Variants in SLC36A3 observed in about 807,000 individuals in gnomAD.
The protein encoded by SLC36A3 is solute carrier family 36 member 3, also known as proton-coupled amino acid transporter 3.
SLC36A3 carries 35 observed loss-of-function variants against 44.3 expected under a neutral mutation model. That is an observed-to-expected ratio of 0.79 (90% CI 0.60 to 1.05). The LOEUF (loss-of-function observed/expected upper bound fraction) is 1.05, where lower values mean the gene tolerates loss of function less well. Ranked by LOEUF, SLC36A3 falls within the 50% of genes least tolerant of loss-of-function variation. The pLI is 0.00. For synonymous variants in SLC36A3, 211 were observed against 227.6 expected, an observed-to-expected ratio of 0.93 and a Z score of 0.66; for missense variants, 540 against 578.7, an observed-to-expected ratio of 0.93 and a Z score of 0.69.
intron 9 of SLC36A3, among the ~76,000 whole-genome samples, chr5:151,279,800 C>A (rs1181017203): frequency 2.0e-5 from 3 of 152,204 alleles, no homozygotes; most frequent in African/African-American, 7.2e-5. Flanking sequence ...CCAAGCATTG[C>A]ATAGTTTCTC....
Position 151,277,776 on chromosome 5 carries a change from G to A in SLC36A3, c.1145-115C>T, listed in dbSNP as rs540379552. On this transcript the variant is annotated intron_variant, in intron 9 of 9. Coordinates refer to ENST00000335230, the MANE Select transcript of SLC36A3 (RefSeq NM_181774.4). ...GACCACTTTGGAGAGGTGGGAGGGA[G>A]CCTACTGCAGGCTTGGGGAGGTCAG... 2.3e-6 allele frequency: 3 copies of A among 1,327,290 alleles called. No homozygotes were observed. The East Asian group carries it at 7.6e-5, about 33-fold the overall frequency. The allele number at this position is 1,327,290 out of a possible 1,614,324, so 82.2% of individuals were successfully genotyped here.
chr5:151,288,746 C>T lies in SLC36A3; in HGVS notation c.405-276G>A, dbSNP rs533286207. On this transcript the variant is annotated intron_variant, in intron 4 of 9. Transcript: ENST00000335230. ...ATGTATATATAGACGAATGAATATT[C>T]GTCTATACACACACACACATACACA... is the stretch of plus-strand genomic sequence containing the variant. Among the ~76,000 whole-genome samples the T allele has an allele frequency of 1.6e-3, 243 of 151,132 alleles. 1 individual carries two copies. Among genetic ancestry groups the T allele is most frequent in the African/African-American group, 5.7e-3 (234 of 41,272 alleles).
chr5:151,303,599 A>T lies in SLC36A3; in HGVS notation c.-245T>A. Reference sequence around the variant, plus strand: ...TTATGAAAGACCCATCTCAGTCAGGATGGTCCTCAGTTTCACTCGCAATTG... The same window carrying T: ...TTATGAAAGACCCATCTCAGTCAGGTTGGTCCTCAGTTTCACTCGCAATTG... On this transcript the variant is annotated 5_prime_UTR_variant, in exon 1 of 10. Transcript: ENST00000335230. 2.3e-6 allele frequency: 1 copy of T among 433,062 alleles called. No individual in the cohort carries two copies. The highest frequency in any genetic ancestry group is 3.6e-5 in the East Asian group (1 of 27,908). The allele number at this position is 433,062 out of a possible 1,614,324, so 26.8% of individuals were successfully genotyped here.
Position 151,277,106 on chromosome 5 carries a change from T to C in SLC36A3, c.*287A>G. Reference sequence around the variant, plus strand: ...TGCTTGGTCTCTGTTTCAAGGGCTATTGGGGTAAGTGGCATCCCTTTTCCA... The same window carrying C: ...TGCTTGGTCTCTGTTTCAAGGGCTACTGGGGTAAGTGGCATCCCTTTTCCA... On this transcript the variant is annotated 3_prime_UTR_variant, in exon 10 of 10. Transcript: ENST00000335230. The C allele has an allele frequency of 2.4e-6, 1 of 418,314 alleles. No individual in the cohort carries two copies. 25.9% of individuals were successfully genotyped at this position (418,314 alleles called of 1,614,324 possible). A position where few individuals can be genotyped will look rare whatever the true frequency, so the allele number is the denominator to read the frequency against.
rs1255738362 is a variant in SLC36A3, at chr5:151,298,575, C to G, written c.219+18G>C. On this transcript the variant is annotated intron_variant, in intron 2 of 9. Transcript: ENST00000335230. ...GCAAATGAGCAAACCTAGTTCCCATCCCACAGATGCCTCTTACCAACAAGC... is the reference window on the plus strand; with the variant it reads ...GCAAATGAGCAAACCTAGTTCCCATGCCACAGATGCCTCTTACCAACAAGC... 2 of 1,613,496 alleles carry G rather than the reference C, an allele frequency of 1.2e-6. No homozygotes were observed. The highest frequency in any genetic ancestry group is 1.7e-6 in the Non-Finnish European group (2 of 1,179,572).
intron 4 of SLC36A3, among the ~76,000 whole-genome samples, chr5:151,289,981 A>C (rs1387125974): frequency 6.6e-6 from 1 of 152,202 alleles, no homozygotes; most frequent in Non-Finnish European, 1.5e-5. Flanking sequence ...GGTGGTTGCA[A>C]GGTGGTGGTT....
At chr5:151,300,194 GTC>G (rs887530098) in intron 1 of SLC36A3, among the ~76,000 whole-genome samples, 1 of 152,198 alleles carries the variant, frequency 6.6e-6, no homozygotes, top group Non-Finnish European at 1.5e-5. Flanking sequence ...GCCCAAGTGA[GTC>G]CAGCAGAGAC....
intron 3 of SLC36A3, among the ~76,000 whole-genome samples, chr5:151,295,066 GAA>G (rs11341705): frequency 0.027 from 4,003 of 146,526 alleles, 87 homozygotes; most frequent in East Asian, 0.11. Flanking sequence ...AGTCATCAGA[GAA>G]AAAAAAAAAA....
chr5:151,294,170 A>G (rs1172457634), intron 3 of SLC36A3, among the ~76,000 whole-genome samples: 2 of 152,244 alleles, frequency 1.3e-5, no homozygotes, highest in African/African-American at 4.8e-5. Flanking sequence ...ATGTAGAGCC[A>G]GTCTCTTGAG....
intron 1 of SLC36A3, among the ~76,000 whole-genome samples, chr5:151,300,458 T>C (rs778473106): frequency 6.6e-6 from 1 of 152,214 alleles, no homozygotes; most frequent in Non-Finnish European, 1.5e-5. Flanking sequence ...TTCCAAGAGA[T>C]AACCTTTATT....
intron 1 of SLC36A3, among the ~76,000 whole-genome samples, chr5:151,299,905 C>CTCA (rs139796801): frequency 2.0e-5 from 3 of 152,166 alleles, no homozygotes; most frequent in Non-Finnish European, 4.4e-5. Flanking sequence ...ATATCATTGT[C>CTCA]TCATCATCAT....
At chr5:151,282,892 T>TC (rs1754378806) in intron 8 of SLC36A3, among the ~76,000 whole-genome samples, 3 of 120,054 alleles carry the variant, frequency 2.5e-5, no homozygotes, top group East Asian at 5.7e-4. Flanking sequence ...CTTTCTTTTT[T>TC]TTTTTTTTTG....
In SLC36A3 at chr5:151,284,190, C is replaced by T. The variant is rs773678437; in HGVS notation, c.828G>A (p.Gln276=). The change falls in exon 8 of 10, where the codon CAG becomes CAA. Residue 276 remains glutamine (Q), a synonymous_variant. Transcript: ENST00000335230. ...AAGAAAACTGCTGTGGATGCTTCATCTGGTTTTTGAGAGGCAGAACCTGGA... is the reference window on the plus strand; with the variant it reads ...AAGAAAACTGCTGTGGATGCTTCATTTGGTTTTTGAGAGGCAGAACCTGGA... The part of the protein sequence containing the change: ...GVGMVLPLKN[Q]MKHPQQFSFV... 13 of 1,607,596 alleles carry T rather than the reference C, an allele frequency of 8.1e-6. No homozygotes were observed. Among genetic ancestry groups the T allele is most frequent in the East Asian group, 2.2e-5 (1 of 44,774 alleles).
chr5:151,281,264 T>C, intron 8 of SLC36A3, 81 bp from the exon 9 acceptor site: 1 of 1,395,438 alleles, frequency 7.2e-7, no homozygotes, highest in Non-Finnish European at 9.8e-7. Flanking sequence ...GCTCAGAAGC[T>C]GGTATGGGTT....
rs959714156 is a variant in SLC36A3 at position 151,277,107 on chromosome 5, T to C, written c.*286A>G. On this transcript the variant is annotated 3_prime_UTR_variant, in exon 10 of 10. Transcript: ENST00000335230. Reference sequence around the variant, plus strand: ...GCTTGGTCTCTGTTTCAAGGGCTATTGGGGTAAGTGGCATCCCTTTTCCAT... The same window carrying C: ...GCTTGGTCTCTGTTTCAAGGGCTATCGGGGTAAGTGGCATCCCTTTTCCAT... The C allele has an allele frequency of 9.4e-6, 4 of 424,994 alleles. No individual in the cohort carries two copies. In the Admixed American group the frequency reaches 1.5e-4, roughly 16 times the overall value. The allele number at this position is 424,994 out of a possible 1,614,324, so 26.3% of individuals were successfully genotyped here. A position where few individuals can be genotyped will look rare whatever the true frequency, so the allele number is the denominator to read the frequency against.
At chr5:151,298,544 C>A in intron 2 of SLC36A3, 49 bp downstream of exon 2, 2 of 1,587,764 alleles carry the variant, frequency 1.3e-6, no homozygotes, top group South Asian at 1.1e-5. Context: ...CCTATCACCC[C>A]CTTCTGCAAA....
At chr5:151,281,544 G>A (rs904151163) in intron 8 of SLC36A3, among the ~76,000 whole-genome samples, 11 of 152,192 alleles carry the variant, frequency 7.2e-5, no homozygotes, top group Non-Finnish European at 8.8e-5. Flanking sequence ...ATAGCCGGGC[G>A]TGGTGGCTCA....
Position 151,303,313 on chromosome 5 carries a change from G to A in SLC36A3, c.42C>T (p.Ser14=), listed in dbSNP as rs1755229426. 6.2e-7 allele frequency: 1 copy of A among 1,614,112 alleles called. No homozygotes were observed. The highest frequency in any genetic ancestry group is 8.5e-7 in the Non-Finnish European group (1 of 1,180,004). ...LGRDYNSELN[S]LDNGPQSPSE... ...AGGGTGACTGAGGTCCGTTGTCCAAGGAGTTCAGCTCACTGTTGTAGTCCC... is the reference window on the plus strand; with the variant it reads ...AGGGTGACTGAGGTCCGTTGTCCAAAGAGTTCAGCTCACTGTTGTAGTCCC... The change falls in exon 1 of 10, where the codon TCC becomes TCT. Residue 14 remains serine, a synonymous_variant. Transcript: ENST00000335230.
In SLC36A3 at chr5:151,284,695, C is replaced by T. The variant is rs1754467599; in HGVS notation, c.725G>A (p.Ser242Asn). 1.9e-6 allele frequency: 3 copies of T among 1,612,884 alleles called. No individual in the cohort carries two copies. The highest frequency in any genetic ancestry group is 2.5e-6 in the Non-Finnish European group (3 of 1,179,194). ...CCAGTTTGCCATCAAGGGTAGGTTG[C>T]TGGGATATGGAATCCCCTAAAAGAA... ...EYIMEGIPYPSNLPLMANWKT... is the reference protein window; with the variant it reads ...EYIMEGIPYPNNLPLMANWKT... Residue 242 changes from serine (S) to asparagine (N), a missense_variant, in exon 7 of 10, where the codon AGC becomes AAC. Transcript: ENST00000335230.
Sources: allele counts gnomAD v4.1 joint callset (sites outside exome capture counted in the v4.1 genomes callset), GRCh38; gene constraint gnomAD v4.1.1; transcripts MANE v1.5; gene names NCBI Gene and HGNC (gene_info 2026-07-23, HGNC 2026-07-21).